ZSCAN18: variants seen among roughly 807,000 people sequenced by gnomAD.
The protein encoded by ZSCAN18 is zinc finger and SCAN domain containing 18.
A neutral mutation model predicts 31.1 loss-of-function variants in ZSCAN18; 16 were observed. The ratio of observed to expected loss-of-function variants is 0.51; its 90% CI spans 0.35 to 0.78. ZSCAN18 has a LOEUF of 0.78. Ranked by LOEUF, ZSCAN18 falls within the 30% of genes least tolerant of loss-of-function variation. The pLI is 0.01. For synonymous variants in ZSCAN18, 375 were observed against 320.7 expected (o/e 1.17, Z -1.81); for missense variants, 731 against 697.4 (o/e 1.05, Z -0.54).
Position 58,087,341 on chromosome 19 carries a change from T to C in ZSCAN18, c.617A>G (p.Glu206Gly). 1 of 1,607,314 alleles carries C rather than the reference T, an allele frequency of 6.2e-7. No individual in the cohort carries two copies. The highest frequency in any genetic ancestry group is 8.5e-7 in the Non-Finnish European group (1 of 1,176,926). The change falls in exon 4 of 7, where the codon GAG (glutamate) becomes GGG (glycine). Residue 206 changes from glutamate (E) to glycine (G), a missense_variant. By Grantham distance (98) the Glu-to-Gly change is moderately conservative. This residue lies in a region of ZSCAN18 where 597 missense variants were observed against 499.5 expected (regional missense o/e 1.20). Transcript: ENST00000601144. Reference sequence around the variant, plus strand: ...CTGCTCGGTGTTGGCAGGGCCGTCCTCTTCGGTCTTTGCTTCTCTGACCCT... The same window carrying C: ...CTGCTCGGTGTTGGCAGGGCCGTCCCCTTCGGTCTTTGCTTCTCTGACCCT... ...QRRVREAKTE[E>G]DGPANTEQKL...
At position 58,086,210 on chromosome 19, in the gene ZSCAN18, A is replaced by G. The variant is rs770394894; in HGVS notation, c.802T>C (p.Leu268=). 1.2e-6 allele frequency: 2 copies of G among 1,613,884 alleles called. No individual in the cohort carries two copies. Among genetic ancestry groups the G allele is most frequent in the Admixed American group, 1.7e-5 (1 of 59,986 alleles). The stretch of plus-strand genomic sequence containing the variant: ...CTTCCTTGTGGATCTCTTTCCACCA[A>G]CCGGAGTTCCTCAGTGTCCAGCCTG... The part of the protein sequence containing the change: ...ASRLDTEELR[L]VERDPQGSSL... The change falls in exon 6 of 7, where the codon TTG becomes CTG. Residue 268 remains leucine, a synonymous_variant. Transcript: ENST00000601144.
chr19:58,112,809 G>A (rs2074696349), intron 1 of ZSCAN18, among the ~76,000 whole-genome samples: 1 of 151,382 alleles, frequency 6.6e-6, no homozygotes, highest in African/African-American at 2.4e-5. Context: ...AAATTAGCCA[G>A]GCATGGTGGC....
intron 2 of ZSCAN18, among the ~76,000 whole-genome samples, chr19:58,089,404 G>C (rs2074363025): frequency 6.7e-6 from 1 of 149,090 alleles, no homozygotes; most frequent in Admixed American, 6.7e-5. Context: ...AAGGCGGGCA[G>C]ATCACGAGGT....
intron 1 of ZSCAN18, among the ~76,000 whole-genome samples, chr19:58,104,245 G>A (rs1399070755): frequency 6.6e-6 from 1 of 152,304 alleles, no homozygotes; most frequent in Admixed American, 6.5e-5. Flanking sequence ...TGGGCATGGT[G>A]GCGTGCGCCT....
At chr19:58,117,719 GA>G (rs34961124) in intron 1 of ZSCAN18, among the ~76,000 whole-genome samples, 38 of 138,682 alleles carry the variant, frequency 2.7e-4, no homozygotes, top group Middle Eastern at 3.9e-3. Flanking sequence ...GTGCCCGCAG[GA>G]AAAAAAAAAA....
Position 58,083,894 on chromosome 19 carries a change from T to C in ZSCAN18, c.*791A>G, listed in dbSNP as rs2074207875. 1 of 152,268 alleles carries C rather than the reference T, an allele frequency of 6.6e-6. No individual in the cohort carries two copies. Among genetic ancestry groups the C allele is most frequent in the South Asian group, 2.1e-4 (1 of 4,834 alleles). 9.4% of individuals were successfully genotyped at this position (152,268 alleles called of 1,614,324 possible). On this transcript the variant is annotated 3_prime_UTR_variant, in exon 7 of 7. Coordinates refer to ENST00000601144, the MANE Select transcript of ZSCAN18 (RefSeq NM_001145543.2). ...GCTCAGACAGACAGATCTTTATTAG[T>C]GTTTTCAACTTATTTTGCTCACAAC...
At chr19:58,095,724 C>G (rs569874322) in intron 1 of ZSCAN18, among the ~76,000 whole-genome samples, 141 of 152,310 alleles carry the variant, frequency 9.3e-4, no homozygotes, top group Non-Finnish European at 1.2e-3. Context: ...GTGGGGGACA[C>G]ATGTCAGCCC....
chr19:58,105,430 GAC>G (rs1044421731), intron 1 of ZSCAN18, among the ~76,000 whole-genome samples: 3 of 151,748 alleles, frequency 2.0e-5, no homozygotes, highest in Admixed American at 6.6e-5. Context: ...GGGAGGCTGA[GAC>G]AGGTGGATCA....
At chr19:58,087,459 C>T in intron 3 of ZSCAN18, 55 bp from the exon 4 acceptor site, 1 of 1,523,768 alleles carries the variant, frequency 6.6e-7, no homozygotes, top group Non-Finnish European at 8.9e-7. Context: ...GCCAGGTGCC[C>T]TCAAGGGTCA....
Position 58,085,221 on chromosome 19 carries a change from G to C in ZSCAN18, c.997C>G (p.Pro333Ala). Residue 333 changes from proline (P) to alanine (A), a missense_variant, in exon 7 of 7, where the codon CCG becomes GCG. Physicochemically the swap from Pro to Ala is conservative, Grantham distance 27. Transcript: ENST00000601144. ...EEEEEQPGKAPDPQDPQDAES... is the reference protein window; with the variant it reads ...EEEEEQPGKAADPQDPQDAES... ...GCGTCCTGGGGGTCCTGCGGGTCCG[G>C]GGCCTTCCCAGGCTGCTCTTCCTCC... The C allele has an allele frequency of 6.2e-7, 1 of 1,608,396 alleles. No individual in the cohort carries two copies. The highest frequency in any genetic ancestry group is 8.5e-7 in the Non-Finnish European group (1 of 1,179,290).
intron 1 of ZSCAN18, among the ~76,000 whole-genome samples, chr19:58,095,981 A>C (rs973661028): frequency 6.6e-6 from 1 of 152,166 alleles, no homozygotes; most frequent in Non-Finnish European, 1.5e-5. Context: ...CAGGAGGATG[A>C]GGCCATCTCA....
chr19:58,085,918 G>T, intron 6 of ZSCAN18: 1 of 457,334 alleles, frequency 2.2e-6, no homozygotes. Flanking sequence ...CCACCCCCGG[G>T]ACCAGTCATA....
chr19:58,106,984 C>T (rs1313920513), intron 1 of ZSCAN18, among the ~76,000 whole-genome samples: 2 of 151,512 alleles, frequency 1.3e-5, no homozygotes. Context: ...AGGCTTGTCT[C>T]GAAATCCTGA....
At position 58,090,523 on chromosome 19, in the gene ZSCAN18, C is replaced by T; in HGVS notation, c.-119-137G>A. 3 of 727,720 alleles carry T rather than the reference C, an allele frequency of 4.1e-6. No individual in the cohort carries two copies. The highest frequency in any genetic ancestry group is 4.1e-5 in the South Asian group (2 of 48,306). 45.1% of individuals were successfully genotyped at this position (727,720 alleles called of 1,614,324 possible). A position where few individuals can be genotyped will look rare whatever the true frequency, so the allele number is the denominator to read the frequency against. On this transcript the variant is annotated intron_variant, in intron 1 of 6. Transcript: ENST00000601144. The surrounding 1 kb of genome is among the most constrained non-coding windows in gnomAD (Gnocchi z 4.7). ...CCCGCTTGTTAGGCATCAGTAGAAC[C>T]TCAGTGTTGTACTCATGTAGATAAA...
chr19:58,107,547 G>T, intron 1 of ZSCAN18: 1 of 638,532 alleles, frequency 1.6e-6, no homozygotes, highest in Non-Finnish European at 1.9e-6. Flanking sequence ...GGTGACAAGA[G>T]TGAAACTCTG....
chr19:58,098,904 A>G (rs1366225123), upstream of ZSCAN18, among the ~76,000 whole-genome samples: 1 of 152,146 alleles, frequency 6.6e-6, no homozygotes, highest in Non-Finnish European at 1.5e-5. Context: ...GAACTCAAAG[A>G]TTACCCACCC....
chr19:58,117,009 T>A (rs911801270), intron 1 of ZSCAN18, among the ~76,000 whole-genome samples: 2 of 152,210 alleles, frequency 1.3e-5, no homozygotes, highest in African/African-American at 2.4e-5. Context: ...TGCCTCAGCC[T>A]CCCGAGCAGC....
intron 1 of ZSCAN18, chr19:58,092,721 G>T: frequency 1.0e-6 from 1 of 983,690 alleles, no homozygotes; most frequent in African/African-American, 1.8e-5. Context: ...CTTACCTCAA[G>T]CAGAACAGAG....
chr19:58,111,180 T>A (rs866222607), intron 1 of ZSCAN18, among the ~76,000 whole-genome samples: 3,716 of 134,112 alleles, frequency 0.028, 144 homozygotes, highest in African/African-American at 0.09. Context: ...AAAAAAAAAA[T>A]TCCCATTTTC....
Sources: allele counts gnomAD v4.1 joint callset (sites outside exome capture counted in the v4.1 genomes callset), GRCh38; gene constraint gnomAD v4.1.1; regional missense constraint gnomAD v4.1.1; non-coding constraint Gnocchi (gnomAD v3.1); transcripts MANE v1.5; gene names NCBI Gene and HGNC (gene_info 2026-07-23, HGNC 2026-07-21).